Variants in HAVCR1 observed in about 807,000 individuals in gnomAD.
The protein encoded by HAVCR1 is hepatitis A virus cellular receptor 1.
Under a neutral mutation model 32.0 loss-of-function variants are expected in HAVCR1, and 34 were observed. The observed-to-expected ratio is 1.06, with a 90% CI of 0.81 to 1.42. The LOEUF (loss-of-function observed/expected upper bound fraction) is 1.42. Ranked by LOEUF, HAVCR1 falls within the 40% of genes most tolerant of loss-of-function variation. The probability of loss-of-function intolerance (pLI) is 0.00; values close to 1 mark genes in which losing one functional copy is unlikely to be tolerated. For missense variants in HAVCR1, 420 were observed against 442.3 expected (o/e 0.95, Z 0.45); for synonymous variants, 178 against 170.3 (o/e 1.05, Z -0.35).
chr5:157,037,023 C>T (rs568770830), intron 7 of HAVCR1, among the ~76,000 whole-genome samples: 1 of 152,256 alleles, frequency 6.6e-6, no homozygotes, highest in East Asian at 1.9e-4. Flanking sequence ...AGACCCCACA[C>T]CCAGCTCCCA....
Position 157,052,509 on chromosome 5 carries a change from T to G in HAVCR1, c.525A>C (p.Thr175=), listed in dbSNP as rs748299057. Residue 175 remains threonine, a synonymous_variant, in exon 4 of 9, where the codon ACA becomes ACC. Transcript: ENST00000523175. ...CAGTCATTGTCGTCAGAACAGTCGT[T>G]GTCGTTGGAATGCTCATTGTTGTTG... ...TVPTTMSIPT[T]TTVLTTMTVS... 1.9e-6 allele frequency: 3 copies of G among 1,601,176 alleles called. No individual in the cohort carries two copies. Among genetic ancestry groups the G allele is most frequent in the Middle Eastern group, 3.3e-4 (2 of 6,030 alleles).
chr5:157,044,838 C>G (rs556331397), intron 5 of HAVCR1, among the ~76,000 whole-genome samples: 13 of 33,702 alleles, frequency 3.9e-4, no homozygotes, highest in Admixed American at 1.7e-3. Context: ...CAGCACGGAC[C>G]GGAGTCAATA....
At chr5:157,066,055 T>TAAAAAAAAAAAAAAAAAAAAAAAAACAA in the HAVCR1 span, among the ~76,000 whole-genome samples, 1 of 66,936 alleles carries the variant, frequency 1.5e-5, no homozygotes, top group Non-Finnish European at 2.7e-5. Context: ...GACTCCGTCT[T>TAAAAAAAAAAAAAAAAAAAAAAAAACAA]AAAAAAAAAA....
At chr5:157,038,245 T>A (rs6878732) in intron 6 of HAVCR1, among the ~76,000 whole-genome samples, 45,888 of 152,002 alleles carry the variant, frequency 0.3, 8,662 homozygotes, top group African/African-American at 0.53. Flanking sequence ...ATTGTTTAAG[T>A]CTTCTGGTGC....
intron 7 of HAVCR1, among the ~76,000 whole-genome samples, chr5:157,036,422 T>C (rs1433332431): frequency 6.6e-6 from 1 of 152,178 alleles, no homozygotes; most frequent in Admixed American, 6.5e-5. Context: ...GAGGTTGCAG[T>C]GAGCCACGAT....
chr5:157,045,677 T>A (rs1303732243), intron 5 of HAVCR1, among the ~76,000 whole-genome samples: 1 of 152,166 alleles, frequency 6.6e-6, no homozygotes, highest in Admixed American at 6.5e-5. Flanking sequence ...GGCACATACA[T>A]CTGTCAAAGG....
At chr5:157,064,352 A>G in the HAVCR1 span, among the ~76,000 whole-genome samples, 39 of 145,210 alleles carry the variant, frequency 2.7e-4, no homozygotes, top group Admixed American at 6.3e-4. Context: ...AAAAAAAAAA[A>G]AAAGAAAGAA....
intron 6 of HAVCR1, among the ~76,000 whole-genome samples, chr5:157,038,857 C>G (rs972970663): frequency 6.6e-6 from 1 of 152,206 alleles, no homozygotes; most frequent in African/African-American, 2.4e-5. Flanking sequence ...AGGTCACGGA[C>G]AGTGGCTCAC....
rs1009980119 is a variant in HAVCR1 at position 157,058,108 on chromosome 5, G to A, written c.-12-153C>T. 2.4e-5 allele frequency: 15 copies of A among 629,460 alleles called. No individual in the cohort carries two copies. In the South Asian group the frequency reaches 2.4e-4, roughly 10 times the overall value. 39.0% of individuals were successfully genotyped at this position (629,460 alleles called of 1,614,324 possible). ...GAAATGAGAGAAGACCACATATAAC[G>A]GCTTCAGAGCTCTGTTAGTTCCCTG... On this transcript the variant is annotated intron_variant, in intron 1 of 8. Transcript: ENST00000523175.
upstream of HAVCR1, among the ~76,000 whole-genome samples, chr5:157,059,953 G>A (rs948795839): frequency 5.9e-5 from 9 of 152,180 alleles, no homozygotes; most frequent in East Asian, 1.9e-4. Flanking sequence ...CACACCAGCC[G>A]GGGTGACAGA....
At chr5:157,044,432 A>G (rs60139979) in intron 5 of HAVCR1, among the ~76,000 whole-genome samples, 14 of 26,154 alleles carry the variant, frequency 5.4e-4, no homozygotes, top group Admixed American at 9.2e-4. Flanking sequence ...AGAAAGAAAG[A>G]AAGAAAGAAA....
chr5:157,033,153 T>C (rs534839052), intron 7 of HAVCR1, among the ~76,000 whole-genome samples: 3 of 130,512 alleles, frequency 2.3e-5, no homozygotes, highest in East Asian at 4.1e-4. Context: ...AAATTATCTT[T>C]CATTTTTTTA....
chr5:157,052,788 G>A, intron 3 of HAVCR1, 134 bp from the exon 4 acceptor site: 2 of 758,418 alleles, frequency 2.6e-6, no homozygotes, highest in Admixed American at 2.3e-5. Flanking sequence ...GTCAATCTTG[G>A]TCATTGCCCA....
upstream of HAVCR1, among the ~76,000 whole-genome samples, chr5:157,061,648 C>T (rs1756491611): frequency 6.6e-6 from 1 of 151,580 alleles, no homozygotes; most frequent in Non-Finnish European, 1.5e-5. Context: ...CAGAATTTAC[C>T]CTGAGCGGAG....
At chr5:157,030,442 G>A (rs1216049786) in intron 8 of HAVCR1, among the ~76,000 whole-genome samples, 4 of 152,202 alleles carry the variant, frequency 2.6e-5, no homozygotes, top group Admixed American at 1.3e-4. Flanking sequence ...ATGGCAGGAG[G>A]ATCCCTTGAG....
intron 8 of HAVCR1, among the ~76,000 whole-genome samples, chr5:157,031,008 G>GTT (rs67848014): frequency 0.069 from 9,996 of 144,900 alleles, 871 homozygotes; most frequent in African/African-American, 0.2. Context: ...GTTAGTGTGG[G>GTT]TTTTTTTTTT....
At chr5:157,048,626 C>G (rs372201380) in intron 5 of HAVCR1, among the ~76,000 whole-genome samples, 1 of 152,028 alleles carries the variant, frequency 6.6e-6, no homozygotes, top group Non-Finnish European at 1.5e-5. Context: ...GTCAGGAGAT[C>G]GAGACAATCG....
intron 7 of HAVCR1, 36 bp from the exon 8 acceptor site, chr5:157,032,923 G>A (rs1476836172): frequency 1.5e-6 from 2 of 1,324,096 alleles, no homozygotes; most frequent in Non-Finnish European, 2.1e-6. Flanking sequence ...GAGTTGAAGA[G>A]AAAACTAAAC....
At chr5:157,051,582 G>A (rs1335842248) in intron 4 of HAVCR1, among the ~76,000 whole-genome samples, 1 of 152,068 alleles carries the variant, frequency 6.6e-6, no homozygotes, top group Non-Finnish European at 1.5e-5. Flanking sequence ...CCAGGCTAGA[G>A]TGCAGTGGTG....
Sources: allele counts gnomAD v4.1 joint callset (sites outside exome capture counted in the v4.1 genomes callset), GRCh38; gene constraint gnomAD v4.1.1; transcripts MANE v1.5; gene names NCBI Gene and HGNC (gene_info 2026-07-23, HGNC 2026-07-21).